The following PRKN variants were observed in gnomAD, a reference collection of about 807,000 sequenced individuals.
The protein encoded by PRKN is parkin RBR E3 ubiquitin protein ligase.
PRKN carries 56 observed loss-of-function variants against 59.5 expected under a neutral mutation model. The ratio of observed to expected loss-of-function variants is 0.94; its 90% CI spans 0.76 to 1.18. PRKN has a LOEUF of 1.18. Ranked by LOEUF, PRKN falls within the 50% of genes most tolerant of loss-of-function variation. PRKN has a pLI of 0.00. For missense variants in PRKN, 657 were observed against 596.4 expected (o/e 1.10, Z -1.06); for synonymous variants, 250 against 222.1 (o/e 1.13, Z -1.12).
At chr6:162,377,125 T>C (rs1434455729) in intron 2 of PRKN, among the ~76,000 whole-genome samples, 1 of 152,140 alleles carries the variant, frequency 6.6e-6, no homozygotes, top group Non-Finnish European at 1.5e-5. Context: ...TTTTTGTTTC[T>C]TACTCATTTC....
chr6:162,544,548 T>C (rs1343352614), intron 1 of PRKN, among the ~76,000 whole-genome samples: 2 of 152,180 alleles, frequency 1.3e-5, no homozygotes. Flanking sequence ...CTCAGTGTCA[T>C]TTATTTACTT....
intron 4 of PRKN, among the ~76,000 whole-genome samples, chr6:162,146,881 C>A (rs189688942): frequency 6.6e-6 from 1 of 152,022 alleles, no homozygotes; most frequent in African/African-American, 2.4e-5. Flanking sequence ...CAGGCATGGG[C>A]CACCACTTCT....
At chr6:161,420,526 A>G (rs2115026809) in intron 9 of PRKN, among the ~76,000 whole-genome samples, 1 of 150,906 alleles carries the variant, frequency 6.6e-6, no homozygotes, top group South Asian at 2.1e-4. Context: ...TTCTTTATTT[A>G]TTTTTGAGAC....
At chr6:161,961,868 C>T (rs559982880) in intron 6 of PRKN, among the ~76,000 whole-genome samples, 2 of 152,134 alleles carry the variant, frequency 1.3e-5, no homozygotes, top group Non-Finnish European at 2.9e-5. Flanking sequence ...GCCTGTGATA[C>T]TGATATAATA....
intron 3 of PRKN, among the ~76,000 whole-genome samples, 178 bp from the exon 4 acceptor site, chr6:162,201,430 T>G (rs1784727032): frequency 6.6e-6 from 1 of 152,170 alleles, no homozygotes; most frequent in Admixed American, 6.5e-5. Context: ...AAATCTAACT[T>G]TATGCTCCAA....
intron 5 of PRKN, among the ~76,000 whole-genome samples, chr6:162,023,370 C>A (rs572658391): frequency 6.6e-6 from 1 of 152,108 alleles, no homozygotes; most frequent in Non-Finnish European, 1.5e-5. Context: ...GTTGGCTTGG[C>A]GAATGGGTGC....
At chr6:161,809,308 T>TG (rs11398964) in intron 6 of PRKN, among the ~76,000 whole-genome samples, 148,466 of 152,226 alleles carry the variant, frequency 0.98, 72,438 homozygotes, top group Admixed American at 0.99. Context: ...GAATTACCAC[T>TG]TGGGGCTGGG....
chr6:162,187,357 G>C (rs1467244227), intron 4 of PRKN, among the ~76,000 whole-genome samples: 1 of 152,162 alleles, frequency 6.6e-6, no homozygotes, highest in Admixed American at 6.6e-5. Context: ...ACACTTGACA[G>C]CTTAAACATA....
intron 9 of PRKN, among the ~76,000 whole-genome samples, chr6:161,406,855 T>C (rs1250040518): frequency 1.3e-5 from 2 of 152,194 alleles, no homozygotes; most frequent in South Asian, 2.1e-4. Context: ...CAATGAATTA[T>C]GTCAACACAA....
chr6:162,709,139 G>A (rs1562514932), intron 1 of PRKN, among the ~76,000 whole-genome samples: 1 of 151,344 alleles, frequency 6.6e-6, no homozygotes, highest in East Asian at 1.9e-4. Flanking sequence ...TAAACTCAGG[G>A]GCCCCACTGA....
At chr6:162,038,665 A>G (rs1042948872) in intron 5 of PRKN, among the ~76,000 whole-genome samples, 2 of 152,222 alleles carry the variant, frequency 1.3e-5, no homozygotes, top group African/African-American at 2.4e-5. Flanking sequence ...AGAAAAATAA[A>G]CCATCAGATA....
intron 7 of PRKN, among the ~76,000 whole-genome samples, chr6:161,585,010 G>A (rs761048542): frequency 6.6e-6 from 1 of 152,140 alleles, no homozygotes; most frequent in African/African-American, 2.4e-5. Context: ...TTTGTATTTG[G>A]AGAAAAACCA....
rs752104061 is a variant in PRKN at position 162,628,725 on chromosome 6, T to C, written c.7+98937A>G. ...ATAACAAAAAGTTAACCTGGAATGA[T>C]TGCATTATTTTCAAGCACTAGCTCA... On this transcript the variant is annotated intron_variant, in intron 1 of 11. Coordinates refer to ENST00000366898, the MANE Select transcript of PRKN (RefSeq NM_004562.3). 5.8e-4 allele frequency among the ~76,000 whole-genome samples: 88 copies of C among 152,242 alleles called. 1 individual carries two copies. The highest frequency in any genetic ancestry group is 1.6e-3 in the African/African-American group (66 of 41,564).
At chr6:161,653,010 G>A (rs1582950513) in intron 7 of PRKN, among the ~76,000 whole-genome samples, 2 of 152,220 alleles carry the variant, frequency 1.3e-5, no homozygotes, top group East Asian at 3.9e-4. Flanking sequence ...TTGCTTCATC[G>A]GAATCAATGT....
chr6:162,529,613 C>T (rs548244997), intron 1 of PRKN, among the ~76,000 whole-genome samples: 5 of 152,210 alleles, frequency 3.3e-5, no homozygotes, highest in South Asian at 2.1e-4. Context: ...TAGGGACTTA[C>T]GGACAGAAGC....
At chr6:162,213,925 T>C (rs115860424) in intron 3 of PRKN, among the ~76,000 whole-genome samples, 1,879 of 151,790 alleles carry the variant, frequency 0.012, 38 homozygotes, top group African/African-American at 0.043. Context: ...CTGGAATTAT[T>C]CTAGCTTCAC....
rs557795276 is a variant in PRKN, at chr6:162,095,701, C to A, written c.535-41527G>T. Among the ~76,000 whole-genome samples the A allele has an allele frequency of 6.6e-5, 10 of 152,182 alleles. No individual in the cohort carries two copies. The South Asian group carries it at 2.1e-3, about 32-fold the overall frequency. On this transcript the variant is annotated intron_variant, in intron 4 of 11. Transcript: ENST00000366898. ...CATGATTTCAGGAGGTATACTGATG[C>A]AAACTTAATATCCAGAAAGAATTCT... is the stretch of plus-strand genomic sequence containing the variant.
At chr6:162,099,088 G>T (rs2128298507) in intron 4 of PRKN, among the ~76,000 whole-genome samples, 1 of 152,266 alleles carries the variant, frequency 6.6e-6, no homozygotes, top group South Asian at 2.1e-4. Flanking sequence ...TTTAAAAAAA[G>T]AAGAAAATTA....
Position 161,355,795 on chromosome 6 carries a change from G to A in PRKN, c.1285+4293C>T, listed in dbSNP as rs969572157. Among the ~76,000 whole-genome samples, 13 of 152,164 alleles carry A rather than the reference G, an allele frequency of 8.5e-5. No individual in the cohort carries two copies. Among genetic ancestry groups the A allele is most frequent in the Non-Finnish European group, 1.5e-4 (10 of 68,036 alleles). The stretch of plus-strand genomic sequence containing the variant: ...GACGGTCAAGGTCCCTGATCTCACC[G>A]GCTTATGTTCTAAAGAGCGACAGAT... On this transcript the variant is annotated intron_variant, in intron 11 of 11. Coordinates refer to ENST00000366898, the MANE Select transcript of PRKN (RefSeq NM_004562.3). This position sits in a 1 kb window ranked among gnomAD's most constrained non-coding sequence, Gnocchi z 6.8.
Sources: allele counts gnomAD v4.1 joint callset (sites outside exome capture counted in the v4.1 genomes callset), GRCh38; gene constraint gnomAD v4.1.1; non-coding constraint Gnocchi (gnomAD v3.1); transcripts MANE v1.5; gene names NCBI Gene and HGNC (gene_info 2026-07-23, HGNC 2026-07-21).